HMCN2: variants seen among roughly 807,000 people sequenced by gnomAD.
The protein encoded by HMCN2 is hemicentin-2.
A neutral mutation model predicts 377.5 loss-of-function variants in HMCN2; 325 were observed. The ratio of observed to expected loss-of-function variants is 0.86; its 90% CI spans 0.79 to 0.94. The LOEUF is 0.94. Ranked by LOEUF, HMCN2 falls within the 40% of genes least tolerant of loss-of-function variation. The pLI is 0.00. For synonymous variants in HMCN2, 2,007 were observed against 2,046.8 expected (o/e 0.98, Z 0.53); for missense variants, 4,543 against 4,725.3 (o/e 0.96, Z 1.13).
chr9:130,265,948 G>C lies in HMCN2; in HGVS notation c.70G>C (p.Gly24Arg), dbSNP rs1245584077. Reference protein sequence around the residue: ...VSAAVAVAVAGAPGTVMPPTT... With the variant: ...VSAAVAVAVARAPGTVMPPTT... ...TGCGGCAGTGGCAGTGGCAGTGGCC[G>C]GGGCGCCCGGGACGGTAATGCCCCC... Residue 24 changes from glycine (G) to arginine (R), a missense_variant, in exon 1 of 98, where the codon GGG (glycine) becomes CGG (arginine). Gly to Arg is a moderately radical substitution (Grantham distance 125). This residue lies in a region of HMCN2 where 547 missense variants were observed against 189.9 expected (regional missense o/e 2.88). Coordinates refer to ENST00000683500, the MANE Select transcript of HMCN2 (RefSeq NM_001291815.2). The C allele has an allele frequency of 2.2e-6, 1 of 446,562 alleles. No individual in the cohort carries two copies. Among genetic ancestry groups the C allele is most frequent in the Admixed American group, 2.5e-5 (1 of 40,432 alleles). The allele number at this position is 446,562 out of a possible 1,614,324, so 27.7% of individuals were successfully genotyped here. A position where few individuals can be genotyped will look rare whatever the true frequency, so the allele number is the denominator to read the frequency against.
In HMCN2 at chr9:130,386,544, A is replaced by C. The variant is rs1842030693; in HGVS notation, c.9391+20A>C. 3 of 1,297,868 alleles carry C rather than the reference A, an allele frequency of 2.3e-6. No homozygotes were observed. The highest frequency in any genetic ancestry group is 3.0e-6 in the Non-Finnish European group (3 of 985,668). 80.4% of individuals were successfully genotyped at this position (1,297,868 alleles called of 1,614,324 possible). A position where few individuals can be genotyped will look rare whatever the true frequency, so the allele number is the denominator to read the frequency against. The stretch of plus-strand genomic sequence containing the variant: ...TCCAGGGTAAGCCAGGGACCAGCCT[A>C]GCCAACGTGACTGTGGAGCCCCTAG... On this transcript the variant is annotated intron_variant, in intron 61 of 97. Coordinates refer to ENST00000683500, the MANE Select transcript of HMCN2 (RefSeq NM_001291815.2).
chr9:130,323,452 T>A (rs1837955102), intron 19 of HMCN2, among the ~76,000 whole-genome samples: 1 of 152,246 alleles, frequency 6.6e-6, no homozygotes, highest in African/African-American at 2.4e-5. Context: ...CTGCAAACAC[T>A]GCTCATCTAT....
chr9:130,391,401 G>A, intron 64 of HMCN2, 38 bp downstream of exon 64: 7 of 987,816 alleles, frequency 7.1e-6, no homozygotes, highest in Non-Finnish European at 8.4e-6. Flanking sequence ...AGGCGGTAGG[G>A]CCCATGTTCC....
chr9:130,273,559 G>A (rs2131224247), intron 1 of HMCN2, among the ~76,000 whole-genome samples: 1 of 152,090 alleles, frequency 6.6e-6, no homozygotes, highest in Non-Finnish European at 1.5e-5. Flanking sequence ...GTGCAGTGGT[G>A]CAGTCTCAGC....
chr9:130,344,184 C>T (rs1839214735), intron 25 of HMCN2, among the ~76,000 whole-genome samples: 1 of 152,150 alleles, frequency 6.6e-6, no homozygotes, highest in African/African-American at 2.4e-5. Flanking sequence ...GAAGGCCTGG[C>T]CCCCGGCGTG....
At chr9:130,354,465 G>A (rs1839910897) in intron 31 of HMCN2, among the ~76,000 whole-genome samples, 1 of 152,158 alleles carries the variant, frequency 6.6e-6, no homozygotes, top group Non-Finnish European at 1.5e-5. Context: ...CTGTGTATAG[G>A]CACTGGGGAT....
At chr9:130,407,948 C>A (rs747879713) in intron 83 of HMCN2, among the ~76,000 whole-genome samples, 1 of 152,202 alleles carries the variant, frequency 6.6e-6, no homozygotes, top group Non-Finnish European at 1.5e-5. Context: ...CAAGACGACC[C>A]TGGCTGCAGG....
chr9:130,397,656 G>A lies in HMCN2; in HGVS notation c.11326+1G>A. 7.8e-7 allele frequency: 1 copy of A among 1,289,766 alleles called. No homozygotes were observed. Among genetic ancestry groups the A allele is most frequent in the South Asian group, 1.2e-5 (1 of 81,016 alleles). 79.9% of individuals were successfully genotyped at this position (1,289,766 alleles called of 1,614,324 possible). On this transcript the variant is annotated splice_donor_variant, in intron 74 of 97. Transcript: ENST00000683500. LOFTEE classifies it high-confidence loss of function. ...CAAGGCCGTGACCTACGGGTCTTGG[G>A]TAGGTGGCCTGGGGAAGGCCTTCAG...
At chr9:130,368,953 CATTTT>C (rs1840857467) in intron 44 of HMCN2, among the ~76,000 whole-genome samples, 11 of 152,150 alleles carry the variant, frequency 7.2e-5, no homozygotes, top group Admixed American at 7.2e-4. Context: ...TATCACCTGG[CATTTT>C]AACTGCCCCT....
rs377751637 is a variant in HMCN2, at chr9:130,348,972, T to A, written c.4156-12T>A. The A allele has an allele frequency of 1.1e-5, 14 of 1,302,628 alleles. No individual in the cohort carries two copies. In the East Asian group the frequency reaches 3.9e-4, roughly 36 times the overall value. The allele number at this position is 1,302,628 out of a possible 1,614,324, so 80.7% of individuals were successfully genotyped here. A position where few individuals can be genotyped will look rare whatever the true frequency, so the allele number is the denominator to read the frequency against. On this transcript the variant is annotated splice_polypyrimidine_tract_variant and intron_variant, in intron 27 of 97. Coordinates refer to ENST00000683500, the MANE Select transcript of HMCN2 (RefSeq NM_001291815.2). ...CCCCTCTTACTGGCTCCCTCTGGCC[T>A]CTCCTACCCAGATTCCTAAGGTGGG...
At chr9:130,433,133 G>T (rs186722447) in intron 97 of HMCN2, 19 of 485,256 alleles carry the variant, frequency 3.9e-5, no homozygotes, top group Middle Eastern at 1.0e-3. Flanking sequence ...CCATGAAAGG[G>T]CAGGCCTCTG....
chr9:130,416,098 T>TCA (rs1564873982), intron 85 of HMCN2, among the ~76,000 whole-genome samples: 1 of 86,336 alleles, frequency 1.2e-5, no homozygotes, highest in Admixed American at 1.2e-4. Flanking sequence ...TCTAGAGGCT[T>TCA]TATTTTTTTT....
At chr9:130,425,657 CCT>C in intron 89 of HMCN2, 28 bp from the exon 90 acceptor site, 1 of 1,185,518 alleles carries the variant, frequency 8.4e-7, no homozygotes, top group Admixed American at 2.0e-5. Flanking sequence ...CCCCACCCCT[CCT>C]CCTCCTCCCC....
In HMCN2 at chr9:130,425,888, G is replaced by A. The variant is rs553201041; in HGVS notation, c.13843G>A (p.Ala4615Thr). ...CTCGGCCTTTGATCCAGAGGCCGAG[G>A]CCCTGCGCTTCCAGCTCGCTACAGC... is the stretch of plus-strand genomic sequence containing the variant. ...ISSAFDPEAE[A>T]LRFQLATALQ... Residue 4615 changes from alanine to threonine, a missense_variant, in exon 90 of 98, where the codon GCC becomes ACC. Around this residue, in one of 5 missense-constraint regions of HMCN2, gnomAD observed 1,155 missense variants for 1,157.7 expected, o/e 1.00. Coordinates refer to ENST00000683500, the MANE Select transcript of HMCN2 (RefSeq NM_001291815.2). 106 of 1,549,704 alleles carry A rather than the reference G, an allele frequency of 6.8e-5. 1 individual carries two copies. The East Asian group carries it at 2.5e-3, about 36-fold the overall frequency.
chr9:130,405,687 G>A (rs1265026915), intron 81 of HMCN2, among the ~76,000 whole-genome samples: 2 of 152,254 alleles, frequency 1.3e-5, no homozygotes, highest in African/African-American at 4.8e-5. Flanking sequence ...TCTGAGGACA[G>A]GGCAGCACAC....
chr9:130,418,763 C>A lies in HMCN2; in HGVS notation c.12962-9C>A. 7.2e-7 allele frequency: 1 copy of A among 1,395,476 alleles called. No homozygotes were observed. Among genetic ancestry groups the A allele is most frequent in the Admixed American group, 3.0e-5 (1 of 33,494 alleles). The allele number at this position is 1,395,476 out of a possible 1,614,324, so 86.4% of individuals were successfully genotyped here. A position where few individuals can be genotyped will look rare whatever the true frequency, so the allele number is the denominator to read the frequency against. On this transcript the variant is annotated splice_polypyrimidine_tract_variant and intron_variant, in intron 85 of 97. Transcript: ENST00000683500. ...AAATGTTCCTAAAAGCCACCTGGGC[C>A]TCCCACAGGTGCTCCGGTGTTCCAG...
At chr9:130,391,801 C>A in intron 65 of HMCN2, 134 bp from the exon 66 acceptor site, 1 of 560,280 alleles carries the variant, frequency 1.8e-6, no homozygotes, top group Non-Finnish European at 2.3e-6. Context: ...TGCAGCGGGC[C>A]TCATCCTTCA....
intron 22 of HMCN2, among the ~76,000 whole-genome samples, chr9:130,333,772 A>G (rs1365721382): frequency 6.6e-6 from 1 of 152,236 alleles, no homozygotes; most frequent in Non-Finnish European, 1.5e-5. Context: ...CAGAAGGAGC[A>G]GGTGGTAGGC....
At chr9:130,282,735 A>G (rs1557124) in intron 1 of HMCN2, among the ~76,000 whole-genome samples, 118,672 of 152,246 alleles carry the variant, frequency 0.78, 46,603 homozygotes, top group East Asian at 0.89. Context: ...TGTTTACAGC[A>G]ACTGGAATTT....
Sources: allele counts gnomAD v4.1 joint callset (sites outside exome capture counted in the v4.1 genomes callset), GRCh38; gene constraint gnomAD v4.1.1; regional missense constraint gnomAD v4.1.1; transcripts MANE v1.5; gene names NCBI Gene and HGNC (gene_info 2026-07-23, HGNC 2026-07-21).